The following PDCD6 variants were observed in gnomAD, a reference collection of about 807,000 sequenced individuals.
PDCD6 encodes the protein programmed cell death 6, also known as programmed cell death protein 6.
PDCD6 carries 12 observed loss-of-function variants against 28.3 expected under a neutral mutation model. That is an observed-to-expected ratio of 0.42 (90% CI 0.27 to 0.69). The LOEUF is 0.69. Ranked by LOEUF, PDCD6 falls within the 30% of genes least tolerant of loss-of-function variation. PDCD6 has a pLI of 0.22. For synonymous variants in PDCD6, 92 were observed against 108.0 expected, an observed-to-expected ratio of 0.85 and a Z score of 0.92; for missense variants, 226 against 269.9, an observed-to-expected ratio of 0.84 and a Z score of 1.14.
chr5:299,489 T>G (rs1248413727), intron 2 of PDCD6, among the ~76,000 whole-genome samples: 1 of 151,816 alleles, frequency 6.6e-6, no homozygotes, highest in Admixed American at 6.6e-5. Flanking sequence ...AATTAACTTT[T>G]TTCAAGTCTC....
intron 2 of PDCD6, among the ~76,000 whole-genome samples, chr5:292,787 G>A (rs1360580821): frequency 1.3e-5 from 2 of 152,154 alleles, no homozygotes; most frequent in Non-Finnish European, 2.9e-5. Flanking sequence ...AGTCGGGTGG[G>A]GATTAGCAGA....
At chr5:301,500 T>C (rs1265959028) in intron 2 of PDCD6, among the ~76,000 whole-genome samples, 1 of 152,256 alleles carries the variant, frequency 6.6e-6, no homozygotes, top group African/African-American at 2.4e-5. Context: ...CATATACCTG[T>C]CTACTCTCCT....
intron 2 of PDCD6, among the ~76,000 whole-genome samples, chr5:301,613 T>A (rs1740055352): frequency 6.6e-6 from 1 of 152,058 alleles, no homozygotes; most frequent in African/African-American, 2.4e-5. Context: ...ATGCCTCAGG[T>A]TCAGGTGCAC....
chr5:278,383 T>G (rs1738339539), intron 2 of PDCD6, among the ~76,000 whole-genome samples: 1 of 151,914 alleles, frequency 6.6e-6, no homozygotes, highest in African/African-American at 2.4e-5. Flanking sequence ...ACACGTGTCC[T>G]TAGTATATTA....
intron 2 of PDCD6, among the ~76,000 whole-genome samples, chr5:282,274 G>GC (rs1377795288): frequency 1.6e-5 from 1 of 63,062 alleles, no homozygotes; most frequent in Non-Finnish European, 2.9e-5. Context: ...GGAAAAATCG[G>GC]GGGGGGGGGA....
intron 2 of PDCD6, among the ~76,000 whole-genome samples, chr5:292,344 C>T (rs1164852745): frequency 1.3e-5 from 2 of 152,190 alleles, no homozygotes; most frequent in African/African-American, 4.8e-5. Context: ...CTGCAACCTC[C>T]ACCTTCTGGG....
chr5:298,429 C>T (rs1301935722), intron 2 of PDCD6, among the ~76,000 whole-genome samples: 1 of 152,050 alleles, frequency 6.6e-6, no homozygotes, highest in African/African-American at 2.4e-5. Context: ...CTTCTTCCTG[C>T]AGAGCAATCC....
At chr5:281,840 G>T (rs1349079324) in intron 2 of PDCD6, among the ~76,000 whole-genome samples, 5 of 150,922 alleles carry the variant, frequency 3.3e-5, no homozygotes, top group Non-Finnish European at 7.4e-5. Context: ...TTGTGCAGCT[G>T]AAGACTCGGG....
intron 1 of PDCD6, 127 bp downstream of exon 1, chr5:271,948 C>G (rs997299067): frequency 2.2e-5 from 8 of 371,866 alleles, no homozygotes; most frequent in East Asian, 1.1e-4. Context: ...CCTGTCGGGT[C>G]CCCCGCGGCC....
In PDCD6 at chr5:295,043, T is replaced by G. The variant is rs188453360; in HGVS notation, c.164-9134T>G. Among the ~76,000 whole-genome samples the G allele has an allele frequency of 6.2e-3, 942 of 152,160 alleles. 12 individuals carry two copies. The highest frequency in any genetic ancestry group is 0.022 in the African/African-American group (926 of 41,514). ...TGGAGGGGCGAATGGAGGAGCTCTCTGGGGCGGTGGCGTGAGCACCTGCAC... is the reference window on the plus strand; with the variant it reads ...TGGAGGGGCGAATGGAGGAGCTCTCGGGGGCGGTGGCGTGAGCACCTGCAC... On this transcript the variant is annotated intron_variant, in intron 2 of 5. Coordinates refer to ENST00000264933, the MANE Select transcript of PDCD6 (RefSeq NM_013232.4).
intron 2 of PDCD6, among the ~76,000 whole-genome samples, chr5:279,958 C>T (rs1235407600): frequency 3.3e-5 from 4 of 121,700 alleles, no homozygotes; most frequent in African/African-American, 6.6e-5. Flanking sequence ...AGTCAGGAGA[C>T]GGGGGTTGGC....
intron 2 of PDCD6, among the ~76,000 whole-genome samples, chr5:281,752 C>T (rs565588564): frequency 1.9e-4 from 26 of 139,320 alleles, no homozygotes; most frequent in Non-Finnish European, 3.8e-4. Context: ...AGCTGGAGAT[C>T]CGGAGAGGAG....
intron 2 of PDCD6, chr5:289,818 A>G (rs2126718482): frequency 7.6e-7 from 1 of 1,314,434 alleles, no homozygotes; most frequent in Non-Finnish European, 1.1e-6. Context: ...TCCCAGGCCC[A>G]TTTACATTAG....
At chr5:285,733 C>T (rs901962314) in intron 2 of PDCD6, among the ~76,000 whole-genome samples, 12 of 150,208 alleles carry the variant, frequency 8.0e-5, no homozygotes, top group African/African-American at 1.5e-4. Flanking sequence ...GTTTGAAGGC[C>T]GTGCATTTGG....
intron 4 of PDCD6, chr5:310,382 A>G (rs1740829337): frequency 1.3e-5 from 2 of 152,666 alleles, no homozygotes; most frequent in Admixed American, 1.3e-4. Flanking sequence ...TGTGCAGGTC[A>G]TTAACTGTGA....
intron 4 of PDCD6, chr5:308,804 C>G (rs1206017183): frequency 2.0e-5 from 3 of 152,198 alleles, no homozygotes; most frequent in Non-Finnish European, 4.4e-5. Flanking sequence ...CTGATGGGGC[C>G]ACATGGTGGA....
chr5:306,287 C>T (rs1401919773), intron 3 of PDCD6: 1 of 302,430 alleles, frequency 3.3e-6, no homozygotes, highest in East Asian at 6.4e-5. Flanking sequence ...CTCTGCTCTT[C>T]TTTCTGTCGT....
intron 2 of PDCD6, chr5:289,343 G>A (rs1214085436): frequency 1.3e-5 from 7 of 552,310 alleles, no homozygotes; most frequent in Middle Eastern, 2.7e-4. Flanking sequence ...ATTCTTTCAC[G>A]AAAGCAATGA....
At chr5:288,782 C>T (rs1389140973) in intron 2 of PDCD6, 9 of 890,370 alleles carry the variant, frequency 1.0e-5, no homozygotes, top group South Asian at 2.9e-5. Flanking sequence ...TTTTATACGG[C>T]GTTAAAACCA....
Sources: allele counts gnomAD v4.1 joint callset (sites outside exome capture counted in the v4.1 genomes callset), GRCh38; gene constraint gnomAD v4.1.1; transcripts MANE v1.5; gene names NCBI Gene and HGNC (gene_info 2026-07-23, HGNC 2026-07-21).